Variants in NUP210 observed in about 807,000 individuals in gnomAD.
NUP210 encodes nuclear pore membrane glycoprotein 210.
In NUP210, 151 loss-of-function variants were observed where a neutral mutation model predicts 196.0. The ratio of observed to expected loss-of-function variants is 0.77; its 90% CI spans 0.67 to 0.88. NUP210 has a LOEUF of 0.88. NUP210 is among the 40% of genes least tolerant of loss of function. The pLI, the probability that NUP210 is intolerant of heterozygous loss-of-function variation, is 0.00. For synonymous variants in NUP210, 1,070 were observed against 1,052.7 expected, an observed-to-expected ratio of 1.02 and a Z score of -0.32; for missense variants, 2,314 against 2,493.7, an observed-to-expected ratio of 0.93 and a Z score of 1.53.
chr3:13,397,347 A>G lies in NUP210; in HGVS notation c.436+10T>C. 6.2e-7 allele frequency: 1 copy of G among 1,607,596 alleles called. No homozygotes were observed. The highest frequency in any genetic ancestry group is 1.1e-5 in the South Asian group (1 of 90,474). On this transcript the variant is annotated intron_variant, in intron 3 of 39. Transcript: ENST00000254508. ...GCTGCAGAAGACAAACAGGCAGGGG[A>G]CGTTCTCACCTTCGGAGTCCAGGGC...
At chr3:13,418,948 CAA>C (rs112826426) in intron 1 of NUP210, among the ~76,000 whole-genome samples, 77 of 52,502 alleles carry the variant, frequency 1.5e-3, no homozygotes, top group African/African-American at 3.3e-3. Context: ...AACTCCGTCT[CAA>C]AAAAAAAAAA....
In NUP210 at chr3:13,354,893, C is replaced by T. The variant is rs144078256; in HGVS notation, c.2329-786G>A. ...CTGGGGTGATCTCTCGCTCCCCGAGCGGACTCTCCCCTTAGAAACCAGCTG... is the reference window on the plus strand; with the variant it reads ...CTGGGGTGATCTCTCGCTCCCCGAGTGGACTCTCCCCTTAGAAACCAGCTG... On this transcript the variant is annotated intron_variant, in intron 16 of 39. Transcript: ENST00000254508. Among the ~76,000 whole-genome samples the T allele has an allele frequency of 2.0e-4, 30 of 152,332 alleles. 3 individuals carry two copies. Among genetic ancestry groups the T allele is most frequent in the Admixed American group, 8.5e-4 (13 of 15,306 alleles).
chr3:13,386,849 T>C (rs1699294216), intron 5 of NUP210, among the ~76,000 whole-genome samples: 1 of 152,164 alleles, frequency 6.6e-6, no homozygotes, highest in African/African-American at 2.4e-5. Flanking sequence ...CTGCTATTCC[T>C]TGACCCCTTC....
chr3:13,335,520 A>G lies in NUP210; in HGVS notation c.3777T>C (p.Ala1259=). The part of the protein sequence containing the change: ...GRTGLRVVVK[A]VDPTSGQLYG... ...ACAGCTGCCCCGATGTGGGGTCCAC[A>G]GCCTTGACCACCACCCTCAGCCCGG... The change falls in exon 28 of 40, where the codon GCT becomes GCC. Residue 1259 remains alanine, a synonymous_variant. Transcript: ENST00000254508. 6.2e-7 allele frequency: 1 copy of G among 1,614,092 alleles called. No individual in the cohort carries two copies. The highest frequency in any genetic ancestry group is 8.5e-7 in the Non-Finnish European group (1 of 1,180,038).
Position 13,353,901 on chromosome 3 carries a change from T to C in NUP210, c.2521+14A>G. Reference sequence around the variant, plus strand: ...GTTCTCCTGCCTGGGCCATCAGGCTTGTGCCCAGCTCACCGTGCAGCTTCT... The same window carrying C: ...GTTCTCCTGCCTGGGCCATCAGGCTCGTGCCCAGCTCACCGTGCAGCTTCT... On this transcript the variant is annotated intron_variant, in intron 17 of 39. Coordinates refer to ENST00000254508, the MANE Select transcript of NUP210 (RefSeq NM_024923.4). The C allele has an allele frequency of 6.3e-7, 1 of 1,599,800 alleles. No individual in the cohort carries two copies. The highest frequency in any genetic ancestry group is 8.5e-7 in the Non-Finnish European group (1 of 1,172,108).
intron 3 of NUP210, among the ~76,000 whole-genome samples, chr3:13,395,569 C>T (rs1321408744): frequency 2.0e-5 from 3 of 152,308 alleles, no homozygotes; most frequent in South Asian, 2.1e-4. Context: ...CTGCCCGCCT[C>T]GGCCTCCCAA....
chr3:13,409,906 G>A (rs1700111754), intron 1 of NUP210, among the ~76,000 whole-genome samples: 1 of 151,410 alleles, frequency 6.6e-6, no homozygotes, highest in African/African-American at 2.4e-5. Context: ...GTACGATCTA[G>A]GCTCGCTGCA....
rs763099751 is a variant in NUP210, at chr3:13,379,642, C to T, written c.897G>A (p.Pro299=). ...ACGTGTCCTGGGCCAAGACAGCCACCGGCCGGGCTGGGTCTCCTTCGGGGC... is the reference window on the plus strand; with the variant it reads ...ACGTGTCCTGGGCCAAGACAGCCACTGGCCGGGCTGGGTCTCCTTCGGGGC... ...IPGPEGDPAR[P]VAVLAQDTSM... is the part of the protein sequence containing the mutation. Residue 299 remains proline, a synonymous_variant, in exon 7 of 40, where the codon CCG becomes CCA. Coordinates refer to ENST00000254508, the MANE Select transcript of NUP210 (RefSeq NM_024923.4). The surrounding 1 kb of genome is among the most constrained non-coding windows in gnomAD (Gnocchi z 4.2). The T allele has an allele frequency of 1.5e-5, 24 of 1,614,088 alleles. No homozygotes were observed. Among genetic ancestry groups the T allele is most frequent in the Middle Eastern group, 3.3e-4 (2 of 6,058 alleles).
rs370715236 is a variant in NUP210, at chr3:13,321,610, G to A, written c.5141C>T (p.Ala1714Val). ...YTSSEIRVFGAPEVLENLEVK... is the reference protein window; with the variant it reads ...YTSSEIRVFGVPEVLENLEVK... The stretch of plus-strand genomic sequence containing the variant: ...CTCCAAGTTCTCCAGAACCTCCGGG[G>A]CACCAAAGACCCTGATCTCGGAACT... The change falls in exon 36 of 40, where the codon GCC (alanine) becomes GTC (valine). Residue 1714 changes from alanine to valine, a missense_variant. Coordinates refer to ENST00000254508, the MANE Select transcript of NUP210 (RefSeq NM_024923.4). The A allele has an allele frequency of 3.7e-6, 6 of 1,613,850 alleles. No homozygotes were observed. The highest frequency in any genetic ancestry group is 2.7e-5 in the African/African-American group (2 of 74,902).
rs1576369138 is a variant in NUP210, at chr3:13,347,526, T to C, written c.2836-4223A>G. Among the ~76,000 whole-genome samples, 2 of 152,250 alleles carry C rather than the reference T, an allele frequency of 1.3e-5. No individual in the cohort carries two copies. The highest frequency in any genetic ancestry group is 1.5e-5 in the Non-Finnish European group (1 of 68,016). ...ATTCATCACGGCCCTGCACAGTCCA[T>C]GTCCACTGTGTGGGGATAAAAACCC... On this transcript the variant is annotated intron_variant, in intron 20 of 39. Coordinates refer to ENST00000254508, the MANE Select transcript of NUP210 (RefSeq NM_024923.4). This position sits in a 1 kb window ranked among gnomAD's most constrained non-coding sequence, Gnocchi z 4.7.
At chr3:13,375,887 T>TC (rs11408954) in intron 10 of NUP210, among the ~76,000 whole-genome samples, 71,758 of 151,872 alleles carry the variant, frequency 0.47, 17,055 homozygotes, top group Middle Eastern at 0.52. Context: ...GGATGTGGTG[T>TC]CCCCCCCAAC....
At position 13,420,172 on chromosome 3, in the gene NUP210, C is replaced by A; in HGVS notation, c.55G>T (p.Ala19Ser). The change falls in exon 1 of 40, where the codon GCG becomes TCG. Residue 19 changes from alanine to serine, a missense_variant. Ala to Ser is a moderately conservative substitution (Grantham distance 99). Coordinates refer to ENST00000254508, the MANE Select transcript of NUP210 (RefSeq NM_024923.4). The surrounding 1 kb of genome is among the most constrained non-coding windows in gnomAD (Gnocchi z 4.8). The part of the protein sequence containing the change: ...LLLTLSVLLA[A>S]GPSAAAAKLN... ...TTGGCCGCAGCGGCGGAGGGGCCCG[C>A]CGCCAACAGCACCGACAGCGTCAGC... 7.9e-7 allele frequency: 1 copy of A among 1,271,630 alleles called. No homozygotes were observed. Among genetic ancestry groups the A allele is most frequent in the Non-Finnish European group, 1.0e-6 (1 of 991,744 alleles). The allele number at this position is 1,271,630 out of a possible 1,614,324, so 78.8% of individuals were successfully genotyped here. A position where few individuals can be genotyped will look rare whatever the true frequency, so the allele number is the denominator to read the frequency against.
At chr3:13,362,151 AT>A (rs1378555359) in intron 14 of NUP210, among the ~76,000 whole-genome samples, 14 of 152,110 alleles carry the variant, frequency 9.2e-5, no homozygotes, top group African/African-American at 3.4e-4. Flanking sequence ...TGTCTGTGGC[AT>A]GATCTTAACC....
Position 13,374,833 on chromosome 3 carries a change from G to A in NUP210, c.1431+671C>T, listed in dbSNP as rs148636871. 1.9e-3 allele frequency among the ~76,000 whole-genome samples: 291 copies of A among 152,282 alleles called. 1 individual carries two copies. Among genetic ancestry groups the A allele is most frequent in the South Asian group, 0.016 (78 of 4,830 alleles). On this transcript the variant is annotated intron_variant, in intron 11 of 39. Transcript: ENST00000254508. ...TGGTGACGCACCTGAGCAGAGAGCC[G>A]GTGCCAGTGCACAGACAGGACACCT...
intron 6 of NUP210, among the ~76,000 whole-genome samples, chr3:13,380,522 A>G (rs980701673): frequency 3.9e-5 from 6 of 152,220 alleles, no homozygotes; most frequent in African/African-American, 1.4e-4. Context: ...CAGCTAGTGG[A>G]AAACAGAGCT....
intron 16 of NUP210, among the ~76,000 whole-genome samples, chr3:13,357,994 A>C (rs1446370970): frequency 6.6e-6 from 1 of 152,228 alleles, no homozygotes; most frequent in African/African-American, 2.4e-5. Context: ...TGGCACTGCC[A>C]CTAGTAGCTG....
At chr3:13,325,427 G>A (rs777926985) in intron 33 of NUP210, among the ~76,000 whole-genome samples, 7 of 152,118 alleles carry the variant, frequency 4.6e-5, no homozygotes, top group African/African-American at 1.2e-4. Flanking sequence ...AGGTTTTGTC[G>A]CCTCCAGACT....
chr3:13,401,084 C>G (rs1015959550), intron 1 of NUP210, among the ~76,000 whole-genome samples: 1 of 151,780 alleles, frequency 6.6e-6, no homozygotes, highest in Non-Finnish European at 1.5e-5. Context: ...TTGGTGAAAC[C>G]CTGTATCTAC....
intron 6 of NUP210, among the ~76,000 whole-genome samples, chr3:13,380,237 G>C (rs1337894561): frequency 6.6e-6 from 1 of 152,134 alleles, no homozygotes; most frequent in Non-Finnish European, 1.5e-5. Context: ...TGCCCAACGT[G>C]GGCTAGGATG....
Sources: allele counts gnomAD v4.1 joint callset (sites outside exome capture counted in the v4.1 genomes callset), GRCh38; gene constraint gnomAD v4.1.1; non-coding constraint Gnocchi (gnomAD v3.1); transcripts MANE v1.5; gene names NCBI Gene and HGNC (gene_info 2026-07-23, HGNC 2026-07-21).